The following PAFAH1B1 variants were observed in gnomAD, a reference collection of about 807,000 sequenced individuals.
PAFAH1B1 encodes the protein platelet activating factor acetylhydrolase 1b regulatory subunit 1, also known as platelet-activating factor acetylhydrolase IB subunit beta.
A neutral mutation model predicts 57.5 loss-of-function variants in PAFAH1B1; 2 were observed. The ratio of observed to expected loss-of-function variants is 0.03; its 90% confidence interval spans 0.01 to 0.11. The LOEUF is 0.11. Ranked by LOEUF, PAFAH1B1 falls within the 10% of genes least tolerant of loss-of-function variation. PAFAH1B1 has a pLI of 1.00. For synonymous variants in PAFAH1B1, 152 were observed against 169.6 expected, an observed-to-expected ratio of 0.90 and a Z score of 0.81; for missense variants, 257 against 512.0, an observed-to-expected ratio of 0.50 and a Z score of 4.81.
chr17:2,600,637 C>T (rs1227010531), intron 1 of PAFAH1B1, among the ~76,000 whole-genome samples: 1 of 149,210 alleles, frequency 6.7e-6, no homozygotes, highest in African/African-American at 2.5e-5. Context: ...TTATCTATTT[C>T]TTTTCATATT....
chr17:2,670,902 G>A (rs1416252009), intron 6 of PAFAH1B1, among the ~76,000 whole-genome samples: 5 of 152,200 alleles, frequency 3.3e-5, no homozygotes, highest in African/African-American at 1.2e-4. Context: ...CTGCAAAACA[G>A]AGGTAATAAT....
chr17:2,640,302 AGGATCAG>A (rs988032510), intron 2 of PAFAH1B1: 54 of 150,940 alleles, frequency 3.6e-4, no homozygotes, highest in African/African-American at 1.3e-3. Flanking sequence ...CATCCCATCC[AGGATCAG>A]GTATTTCATT....
intron 1 of PAFAH1B1, among the ~76,000 whole-genome samples, chr17:2,615,694 C>G (rs1460492499): frequency 6.6e-6 from 1 of 152,016 alleles, no homozygotes; most frequent in Admixed American, 6.6e-5. Flanking sequence ...CTGCCTTGGC[C>G]TCCCAAAATG....
chr17:2,672,260 G>A (rs1465369061), intron 6 of PAFAH1B1, among the ~76,000 whole-genome samples: 1 of 120,032 alleles, frequency 8.3e-6, no homozygotes, highest in South Asian at 2.7e-4. Context: ...CTTTAGCCTG[G>A]GTAACAGAGC....
chr17:2,628,406 T>C (rs2151627891), intron 1 of PAFAH1B1, among the ~76,000 whole-genome samples: 1 of 152,278 alleles, frequency 6.6e-6, no homozygotes, highest in East Asian at 1.9e-4. Flanking sequence ...CATCCCTGCA[T>C]CCCTAATATG....
intron 1 of PAFAH1B1, among the ~76,000 whole-genome samples, chr17:2,599,885 C>A: frequency 6.8e-6 from 1 of 146,152 alleles, no homozygotes; most frequent in South Asian, 2.3e-4. Flanking sequence ...AATCTTTGAA[C>A]ATTTTAATAA....
At position 2,650,655 on chromosome 17, in the gene PAFAH1B1, AAAAAAG is replaced by A. The variant is rs1370555467; in HGVS notation, c.32+12336_32+12341del. On this transcript the variant is annotated intron_variant, in intron 2 of 10. Transcript: ENST00000397195. ...ACTCTGTCTCAAAAAAAAAAAAAAA[AAAAAAG>A]GAAGTTAATTGAAAAAATCAAATTT... Among the ~76,000 whole-genome samples the A allele has an allele frequency of 3.3e-5, 5 of 151,436 alleles. No homozygotes were observed. The East Asian group carries it at 9.6e-4, about 29-fold the overall frequency.
At chr17:2,632,472 C>A (rs1347943399) in intron 1 of PAFAH1B1, among the ~76,000 whole-genome samples, 1 of 151,902 alleles carries the variant, frequency 6.6e-6, no homozygotes, top group African/African-American at 2.4e-5. Flanking sequence ...TTTTTCTTCC[C>A]TTGGTATTTA....
intron 1 of PAFAH1B1, among the ~76,000 whole-genome samples, chr17:2,596,519 G>A (rs1246239757): frequency 6.6e-6 from 1 of 152,134 alleles, no homozygotes; most frequent in East Asian, 1.9e-4. Flanking sequence ...TCATTTTAAT[G>A]CCCTGTATCA....
rs1188200947 is a variant in PAFAH1B1 at position 2,672,639 on chromosome 17, C to T, written c.569-16C>T. 1 of 1,489,390 alleles carries T rather than the reference C, an allele frequency of 6.7e-7. No homozygotes were observed. The highest frequency in any genetic ancestry group is 9.4e-7 in the Non-Finnish European group (1 of 1,066,514). The allele number at this position is 1,489,390 out of a possible 1,614,324, so 92.3% of individuals were successfully genotyped here. On this transcript the variant is annotated splice_polypyrimidine_tract_variant and intron_variant, in intron 6 of 10. Coordinates refer to ENST00000397195, the MANE Select transcript of PAFAH1B1 (RefSeq NM_000430.4). ...TGGTATATTACTTCATAATATATTG[C>T]TGTTATGTGTTTTAGGCCATGACCA... is the stretch of plus-strand genomic sequence containing the variant.
In PAFAH1B1 at chr17:2,680,510, C is replaced by T. The variant is rs528516190; in HGVS notation, c.1159+190C>T. Reference sequence around the variant, plus strand: ...CTCCTTTCCCGTTAACTCTTTCCATCGTTAGCCTTATAATAAAAACATTAC... The same window carrying T: ...CTCCTTTCCCGTTAACTCTTTCCATTGTTAGCCTTATAATAAAAACATTAC... On this transcript the variant is annotated intron_variant, in intron 10 of 10. Transcript: ENST00000397195. 3.3e-5 allele frequency among the ~76,000 whole-genome samples: 5 copies of T among 152,296 alleles called. No individual in the cohort carries two copies. In the South Asian group the frequency reaches 8.3e-4, roughly 25 times the overall value.
intron 2 of PAFAH1B1, among the ~76,000 whole-genome samples, chr17:2,659,037 G>T (rs1354369701): frequency 6.6e-6 from 1 of 151,762 alleles, no homozygotes; most frequent in Non-Finnish European, 1.5e-5. Context: ...AATCACTTGA[G>T]ATCATGAATT....
rs755417354 is a variant in PAFAH1B1 at position 2,665,461 on chromosome 17, GT to G, written c.117+9del. On this transcript the variant is annotated splice_donor_region_variant and intron_variant, in intron 3 of 10. Coordinates refer to ENST00000397195, the MANE Select transcript of PAFAH1B1 (RefSeq NM_000430.4). ...AAGGAAGCTGAATTAGATGTGGTATGTTTTACTTTTTACAATTCAAAGTATA... is the reference window on the plus strand; with the variant it reads ...AAGGAAGCTGAATTAGATGTGGTATGTTTACTTTTTACAATTCAAAGTATA... 1 of 1,527,478 alleles carries G rather than the reference GT, an allele frequency of 6.5e-7. No homozygotes were observed. The highest frequency in any genetic ancestry group is 1.1e-5 in the South Asian group (1 of 89,124). The allele number at this position is 1,527,478 out of a possible 1,614,324, so 94.6% of individuals were successfully genotyped here. A position where few individuals can be genotyped will look rare whatever the true frequency, so the allele number is the denominator to read the frequency against.
intron 2 of PAFAH1B1, among the ~76,000 whole-genome samples, chr17:2,649,569 G>A (rs370482981): frequency 3.6e-4 from 55 of 152,168 alleles, no homozygotes; most frequent in Non-Finnish European, 5.6e-4. Flanking sequence ...GTAAGACTCC[G>A]TCTCAAAATA....
chr17:2,662,421 T>C (rs1459333300), intron 2 of PAFAH1B1, among the ~76,000 whole-genome samples: 1 of 146,996 alleles, frequency 6.8e-6, no homozygotes, highest in Non-Finnish European at 1.5e-5. Flanking sequence ...TGTGTGTGTG[T>C]GTGACGGAGT....
At chr17:2,657,002 A>G (rs1482570932) in intron 2 of PAFAH1B1, among the ~76,000 whole-genome samples, 1 of 152,150 alleles carries the variant, frequency 6.6e-6, no homozygotes, top group Non-Finnish European at 1.5e-5. Flanking sequence ...GCCCACTGCA[A>G]GCTGCGCCTC....
At chr17:2,647,218 T>A (rs986780160) in intron 2 of PAFAH1B1, among the ~76,000 whole-genome samples, 2 of 152,034 alleles carry the variant, frequency 1.3e-5, no homozygotes, top group African/African-American at 2.4e-5. Context: ...GGCGTCGTGG[T>A]GCACACCTGT....
chr17:2,636,484 C>T (rs1302254162), intron 1 of PAFAH1B1, among the ~76,000 whole-genome samples: 1 of 152,074 alleles, frequency 6.6e-6, no homozygotes, highest in Non-Finnish European at 1.5e-5. Context: ...ACGGACTCTT[C>T]CTCTGTTGCC....
chr17:2,634,860 C>G (rs2068601420), intron 1 of PAFAH1B1, among the ~76,000 whole-genome samples: 1 of 152,058 alleles, frequency 6.6e-6, no homozygotes, highest in South Asian at 2.1e-4. Flanking sequence ...ACTGTAACTT[C>G]TTGAATGTAA....
Sources: gnomAD v4.1 joint callset for allele counts (sites outside exome capture counted in the v4.1 genomes callset) on GRCh38, gnomAD v4.1.1 for gene constraint, MANE v1.5 for transcripts, NCBI Gene and HGNC (gene_info 2026-07-23, HGNC 2026-07-21) for gene names.